CLEC16A: variants seen among roughly 807,000 people sequenced by gnomAD.
CLEC16A encodes C-type lectin domain containing 16A, also known as protein CLEC16A.
Under a neutral mutation model 109.5 loss-of-function variants are expected in CLEC16A, and 51 were observed. The observed-to-expected ratio is 0.47, with a 90% CI of 0.37 to 0.59. The LOEUF (loss-of-function observed/expected upper bound fraction) is 0.59, where lower values mean the gene tolerates loss of function less well. Among genes scored for constraint, CLEC16A ranks in the 20% least tolerant of loss-of-function variants. The pLI is 0.00. For missense variants in CLEC16A, 1,339 were observed against 1,394.0 expected, an observed-to-expected ratio of 0.96 and a Z score of 0.63; for synonymous variants, 673 against 564.2, an observed-to-expected ratio of 1.19 and a Z score of -2.73.
intron 18 of CLEC16A, among the ~76,000 whole-genome samples, chr16:11,059,607 T>G (rs959256501): frequency 1.8e-4 from 27 of 152,124 alleles, no homozygotes; most frequent in African/African-American, 6.0e-4. Flanking sequence ...GGCACACTGC[T>G]GTATAGAGGG....
rs137946965 is a variant in CLEC16A at position 11,169,157 on chromosome 16, C to T, written c.2806+2605C>T. Among the ~76,000 whole-genome samples, 473 of 152,306 alleles carry T rather than the reference C, an allele frequency of 3.1e-3. 3 individuals are homozygous for T. Among genetic ancestry groups the T allele is most frequent in the African/African-American group, 0.011 (460 of 41,566 alleles). ...TGAGGGTACAGTGCTAAGTCAGAGG[C>T]GATCCCGTCTCTGTGATTATGGAGC... is the stretch of plus-strand genomic sequence containing the variant. On this transcript the variant is annotated intron_variant, in intron 23 of 23. Coordinates refer to ENST00000409790, the MANE Select transcript of CLEC16A (RefSeq NM_015226.3).
At chr16:11,022,935 G>A (rs2046201955) in intron 12 of CLEC16A, among the ~76,000 whole-genome samples, 1 of 148,200 alleles carries the variant, frequency 6.7e-6, no homozygotes, top group Admixed American at 6.7e-5. Context: ...GTATATATAG[G>A]CCTAAGAAAC....
At chr16:10,951,454 G>T (rs2041728227) in intron 1 of CLEC16A, among the ~76,000 whole-genome samples, 1 of 152,072 alleles carries the variant, frequency 6.6e-6, no homozygotes, top group Non-Finnish European at 1.5e-5. Flanking sequence ...CAATAAAATT[G>T]TTGCTTACTT....
intron 20 of CLEC16A, among the ~76,000 whole-genome samples, 176 bp downstream of exon 20, chr16:11,120,942 A>G (rs777841080): frequency 1.4e-4 from 21 of 152,182 alleles, no homozygotes; most frequent in Non-Finnish European, 2.8e-4. Flanking sequence ...ACATAAATGC[A>G]CAGATAAGAG....
intron 16 of CLEC16A, among the ~76,000 whole-genome samples, chr16:11,046,571 A>G (rs2047645013): frequency 6.6e-6 from 1 of 152,196 alleles, no homozygotes; most frequent in African/African-American, 2.4e-5. Context: ...GAGTGCTCAC[A>G]CTGACCCAAC....
At chr16:11,160,143 C>A (rs1460282363) in intron 22 of CLEC16A, among the ~76,000 whole-genome samples, 2 of 152,096 alleles carry the variant, frequency 1.3e-5, no homozygotes, top group African/African-American at 4.8e-5. Flanking sequence ...GAAATAGTTG[C>A]ACTTTAGTCA....
intron 19 of CLEC16A, among the ~76,000 whole-genome samples, chr16:11,082,596 C>T (rs968292415): frequency 1.3e-5 from 2 of 152,130 alleles, no homozygotes; most frequent in Non-Finnish European, 2.9e-5. Flanking sequence ...GCTGTGCATT[C>T]GTTCAGCAGC....
intron 18 of CLEC16A, chr16:11,056,476 GAGTT>G (rs1472325297): frequency 1.3e-5 from 2 of 152,228 alleles, no homozygotes; most frequent in Non-Finnish European, 2.9e-5. Flanking sequence ...AGAGAAAAGA[GAGTT>G]AGGAATAGGA....
chr16:11,164,019 G>T (rs1016578752), intron 22 of CLEC16A, among the ~76,000 whole-genome samples: 1 of 152,146 alleles, frequency 6.6e-6, no homozygotes, highest in Non-Finnish European at 1.5e-5. Context: ...TGTCCCCAAG[G>T]AATCTTCCTG....
In CLEC16A at chr16:11,051,101, G is replaced by A. The variant is rs371189395; in HGVS notation, c.1867-412G>A. Among the ~76,000 whole-genome samples the A allele has an allele frequency of 2.6e-5, 4 of 152,164 alleles. No homozygotes were observed. The East Asian group carries it at 5.8e-4, about 22-fold the overall frequency. On this transcript the variant is annotated intron_variant, in intron 17 of 23. Coordinates refer to ENST00000409790, the MANE Select transcript of CLEC16A (RefSeq NM_015226.3). ...CTCTCGTTAAACGGAAGCTGCCATC[G>A]CCATAGCTGTTATCATCACTGGAAG...
intron 19 of CLEC16A, among the ~76,000 whole-genome samples, chr16:11,080,773 A>T (rs1324057936): frequency 1.3e-5 from 2 of 152,134 alleles, no homozygotes; most frequent in African/African-American, 4.8e-5. Context: ...TCCTTCTCAC[A>T]CTGCATCACT....
In CLEC16A at chr16:11,127,780, G is replaced by C. The variant is rs148943484; in HGVS notation, c.2641+1634G>C. ...CTACACTCAGGAGGCTGAGGTGGGA[G>C]GGTCACTTGAGCCCAGGAGGTTGAC... On this transcript the variant is annotated intron_variant, in intron 22 of 23. Coordinates refer to ENST00000409790, the MANE Select transcript of CLEC16A (RefSeq NM_015226.3). Among the ~76,000 whole-genome samples the C allele has an allele frequency of 1.1e-4, 17 of 152,254 alleles. No individual in the cohort carries two copies. In the East Asian group the frequency reaches 3.3e-3, roughly 29 times the overall value.
In CLEC16A at chr16:10,954,539, C is replaced by A. The variant is rs1224679157; in HGVS notation, c.81-3243C>A. Among the ~76,000 whole-genome samples the A allele has an allele frequency of 6.6e-6, 1 of 152,170 alleles. No homozygotes were observed. The highest frequency in any genetic ancestry group is 2.1e-4 in the South Asian group (1 of 4,832). Reference sequence around the variant, plus strand: ...CCAACACCACCAAAATAGGTAGATACTAAAGTATTCAGGTACCATTGCTGT... The same window carrying A: ...CCAACACCACCAAAATAGGTAGATAATAAAGTATTCAGGTACCATTGCTGT... On this transcript the variant is annotated intron_variant, in intron 1 of 23. Transcript: ENST00000409790. The surrounding 1 kb of genome is among the most constrained non-coding windows in gnomAD (Gnocchi z 4.2).
intron 19 of CLEC16A, among the ~76,000 whole-genome samples, chr16:11,090,111 T>C (rs2050222086): frequency 6.6e-6 from 1 of 152,050 alleles, no homozygotes; most frequent in Admixed American, 6.6e-5. Flanking sequence ...AAACACTCCA[T>C]TGCGTAGAAT....
chr16:11,070,865 G>A (rs1182355195), intron 19 of CLEC16A: 1 of 152,260 alleles, frequency 6.6e-6, no homozygotes, highest in Non-Finnish European at 1.5e-5. Context: ...GCACCACGAG[G>A]CCCATGAAAG....
chr16:10,947,083 A>G (rs1026362721), intron 1 of CLEC16A, among the ~76,000 whole-genome samples: 19 of 152,208 alleles, frequency 1.2e-4, no homozygotes, highest in African/African-American at 4.6e-4. Context: ...GCCTGGGTTC[A>G]TTGTTTAGAT....
intron 19 of CLEC16A, among the ~76,000 whole-genome samples, chr16:11,110,282 C>T (rs1476370780): frequency 1.3e-5 from 2 of 152,182 alleles, no homozygotes; most frequent in East Asian, 3.9e-4. Flanking sequence ...GGTCAGGACC[C>T]CTTGTTTTGG....
intron 13 of CLEC16A, among the ~76,000 whole-genome samples, chr16:11,033,640 C>T (rs1390742509): frequency 6.6e-6 from 1 of 152,144 alleles, no homozygotes. Context: ...CCTTACCCCC[C>T]AAATCAGGTC....
In CLEC16A at chr16:10,982,850, C is replaced by A. The variant is rs190365887; in HGVS notation, c.958-28C>A. ...GTTGAAAATACCGCACACTTTCATG[C>A]AAATCCCGTTTCTTTTTTTTCCGCC... On this transcript the variant is annotated intron_variant, in intron 9 of 23. Coordinates refer to ENST00000409790, the MANE Select transcript of CLEC16A (RefSeq NM_015226.3). 4.2e-5 allele frequency: 56 copies of A among 1,343,116 alleles called. No individual in the cohort carries two copies. The African/African-American group carries it at 7.5e-4, about 18-fold the overall frequency. The allele number at this position is 1,343,116 out of a possible 1,614,324, so 83.2% of individuals were successfully genotyped here. A position where few individuals can be genotyped will look rare whatever the true frequency, so the allele number is the denominator to read the frequency against.
Sources: gnomAD v4.1 joint callset for allele counts (sites outside exome capture counted in the v4.1 genomes callset) on GRCh38, gnomAD v4.1.1 for gene constraint, Gnocchi (gnomAD v3.1) non-coding constraint, MANE v1.5 for transcripts, NCBI Gene and HGNC (gene_info 2026-07-23, HGNC 2026-07-21) for gene names.